The following NELFA variants were observed in gnomAD, a reference collection of about 807,000 sequenced individuals.
NELFA encodes negative elongation factor A.
In NELFA, 35 loss-of-function variants were observed where a neutral mutation model predicts 51.8. The observed-to-expected ratio is 0.68, with a 90% CI of 0.52 to 0.90. NELFA has a LOEUF of 0.90. NELFA is among the 40% of genes least tolerant of loss of function. The pLI, the probability that NELFA is intolerant of heterozygous loss-of-function variation, is 0.00. For synonymous variants in NELFA, 417 were observed against 338.4 expected, an observed-to-expected ratio of 1.23 and a Z score of -2.55; for missense variants, 658 against 746.4, an observed-to-expected ratio of 0.88 and a Z score of 1.38.
intron 1 of NELFA, among the ~76,000 whole-genome samples, chr4:1,997,709 AATATAGAAT>A (rs1412241234): frequency 6.6e-6 from 1 of 152,200 alleles, no homozygotes; most frequent in Non-Finnish European, 1.5e-5. Flanking sequence ...CAAAATGTTA[AATATAGAAT>A]AACCTGGGCA....
At chr4:2,007,996 G>A (rs1728755333) in intron 1 of NELFA, 1 of 457,006 alleles carries the variant, frequency 2.2e-6, no homozygotes, top group African/African-American at 2.0e-5. Flanking sequence ...GACGCAAAAC[G>A]GCGTGTAGAA....
rs750243851 is a variant in NELFA, at chr4:1,985,787, C to T, written c.913G>A (p.Val305Met). Residue 305 changes from valine to methionine, a missense_variant, in exon 7 of 11, where the codon GTG becomes ATG. By Grantham distance (21) the Val-to-Met change is conservative. Transcript: ENST00000382882. The stretch of plus-strand genomic sequence containing the variant: ...GCCCCGAGCCCTACCTGCGTGGACA[C>T]CAGGCCGGCTGCGTAGTCCGGGGTG... ...NATPDYAAGL[V>M]STQKLGSLNN... 6.2e-7 allele frequency: 1 copy of T among 1,613,158 alleles called. No homozygotes were observed. Among genetic ancestry groups the T allele is most frequent in the Non-Finnish European group, 8.5e-7 (1 of 1,179,730 alleles).
chr4:1,982,766 A>G lies in NELFA; in HGVS notation c.*553T>C, dbSNP rs1045555107. The G allele has an allele frequency of 6.6e-6, 1 of 151,798 alleles. No individual in the cohort carries two copies. Among genetic ancestry groups the G allele is most frequent in the Non-Finnish European group, 1.5e-5 (1 of 67,682 alleles). The allele number at this position is 151,798 out of a possible 1,614,324, so 9.4% of individuals were successfully genotyped here. ...ACTTTAATGGTTCAGATAGTTTTAC[A>G]ATGAAAATAGGTACCCAAAGACTGT... is the stretch of plus-strand genomic sequence containing the variant. On this transcript the variant is annotated 3_prime_UTR_variant, in exon 11 of 11. Transcript: ENST00000382882.
intron 1 of NELFA, 57 bp from the exon 2 acceptor site, chr4:1,991,772 C>A: frequency 6.6e-7 from 1 of 1,515,876 alleles, no homozygotes; most frequent in East Asian, 2.3e-5. Context: ...CAAGCCCACT[C>A]CCTGCTGAGC....
chr4:1,995,389 T>A (rs1174496835), intron 1 of NELFA, among the ~76,000 whole-genome samples: 2 of 152,214 alleles, frequency 1.3e-5, no homozygotes, highest in Non-Finnish European at 2.9e-5. Flanking sequence ...TCTATGGTCC[T>A]ATGTAGAAAA....
At position 1,983,373 on chromosome 4, in the gene NELFA, G is replaced by A. The variant is rs756125666; in HGVS notation, c.1533C>T (p.Ala511=). 4.3e-6 allele frequency: 7 copies of A among 1,614,208 alleles called. No homozygotes were observed. The highest frequency in any genetic ancestry group is 5.9e-6 in the Non-Finnish European group (7 of 1,180,040). The change falls in exon 11 of 11, where the codon GCC becomes GCT. Residue 511 remains alanine (A), a synonymous_variant. Coordinates refer to ENST00000382882, the MANE Select transcript of NELFA (RefSeq NM_005663.5). The stretch of plus-strand genomic sequence containing the variant: ...TCTTGAAGCGCGTCCACTGGCCCGT[G>A]GCATAGTTCATCTCAAACACTGTGT... ...LVDTVFEMNY[A]TGQWTRFKKY...
intron 3 of NELFA, among the ~76,000 whole-genome samples, chr4:1,988,881 T>C (rs551937338): frequency 1.3e-5 from 2 of 151,562 alleles, no homozygotes; most frequent in African/African-American, 4.8e-5. Context: ...GTGACTCAGC[T>C]GGCACAGAGT....
intron 1 of NELFA, among the ~76,000 whole-genome samples, chr4:1,996,467 AAAGT>A (rs1342492617): frequency 2.0e-5 from 3 of 152,262 alleles, no homozygotes; most frequent in African/African-American, 7.2e-5. Flanking sequence ...AAAGAGCAAC[AAAGT>A]AAGTACAAAG....
At chr4:1,995,849 G>T (rs1156305753) in intron 1 of NELFA, among the ~76,000 whole-genome samples, 15 of 151,712 alleles carry the variant, frequency 9.9e-5, no homozygotes, top group Non-Finnish European at 2.2e-4. Context: ...AATCCTAACG[G>T]GGAGATCAAC....
At chr4:1,984,160 T>G in intron 8 of NELFA, 47 bp from the exon 9 acceptor site, 1 of 1,466,670 alleles carries the variant, frequency 6.8e-7, no homozygotes, top group Non-Finnish European at 9.0e-7. Context: ...CCCCACCCTG[T>G]TCCCAAACCC....
chr4:2,007,783 T>G (rs955242461), intron 1 of NELFA, among the ~76,000 whole-genome samples: 2 of 152,106 alleles, frequency 1.3e-5, no homozygotes, highest in African/African-American at 4.8e-5. Flanking sequence ...TGAACAAAAA[T>G]GCACTTTTCC....
chr4:1,983,741 A>G (rs748166869), intron 9 of NELFA, 46 bp from the exon 10 acceptor site: 4 of 1,607,000 alleles, frequency 2.5e-6, no homozygotes, highest in Non-Finnish European at 3.4e-6. Flanking sequence ...CGCCAGGACC[A>G]CCTCCTGCAT....
At chr4:1,995,958 C>T (rs567350477) in intron 1 of NELFA, among the ~76,000 whole-genome samples, 11 of 151,258 alleles carry the variant, frequency 7.3e-5, no homozygotes, top group East Asian at 1.9e-4. Flanking sequence ...GAGTCCAGCC[C>T]GGGCAACATA....
intron 1 of NELFA, among the ~76,000 whole-genome samples, chr4:1,997,019 C>G (rs1728445121): frequency 6.6e-6 from 1 of 152,032 alleles, no homozygotes; most frequent in Non-Finnish European, 1.5e-5. Context: ...GAAGGTGAGG[C>G]AGGAGATCAC....
chr4:1,984,800 A>G lies in NELFA; in HGVS notation c.1036+8T>C, dbSNP rs1728030115. 1 of 1,551,926 alleles carries G rather than the reference A, an allele frequency of 6.4e-7. No homozygotes were observed. Among genetic ancestry groups the G allele is most frequent in the African/African-American group, 1.4e-5 (1 of 73,472 alleles). On this transcript the variant is annotated splice_region_variant and intron_variant, in intron 8 of 10. Coordinates refer to ENST00000382882, the MANE Select transcript of NELFA (RefSeq NM_005663.5). ...TGGCTGGTTCCAGGCTGGGGCCAGC[A>G]GACTCACCTGGGGGCGTCTCGGAGC...
chr4:2,005,285 G>T (rs1217075622), intron 1 of NELFA, among the ~76,000 whole-genome samples: 2 of 152,002 alleles, frequency 1.3e-5, no homozygotes, highest in Non-Finnish European at 2.9e-5. Flanking sequence ...ATGAGCTGGA[G>T]GGTCCTAGCC....
chr4:1,984,976 A>G (rs575427259), intron 7 of NELFA, 57 bp from the exon 8 acceptor site: 80 of 1,321,710 alleles, frequency 6.1e-5, no homozygotes, highest in Non-Finnish European at 8.3e-5. Flanking sequence ...GGCATGTGCT[A>G]ACACATGGCC....
In NELFA at chr4:1,983,056, T is replaced by TTTAC. The variant is rs1265938366; in HGVS notation, c.*259_*262dup. The TTTAC allele has an allele frequency of 3.8e-5, 14 of 366,640 alleles. No homozygotes were observed. Among genetic ancestry groups the TTTAC allele is most frequent in the East Asian group, 2.7e-4 (6 of 22,606 alleles). The allele number at this position is 366,640 out of a possible 1,614,324, so 22.7% of individuals were successfully genotyped here. A position where few individuals can be genotyped will look rare whatever the true frequency, so the allele number is the denominator to read the frequency against. On this transcript the variant is annotated 3_prime_UTR_variant, in exon 11 of 11. Coordinates refer to ENST00000382882, the MANE Select transcript of NELFA (RefSeq NM_005663.5). ...AGGAAGTTGTAACTTTTTTGGTTAATTTACTTACTACATTCAAAAATGTAA... is the reference window on the plus strand; with the variant it reads ...AGGAAGTTGTAACTTTTTTGGTTAATTTACTTACTTACTACATTCAAAAATGTAA...
intron 1 of NELFA, among the ~76,000 whole-genome samples, chr4:2,008,211 C>T (rs1011853085): frequency 6.6e-5 from 10 of 151,078 alleles, no homozygotes; most frequent in Non-Finnish European, 1.2e-4. Flanking sequence ...CCGCTGGGGC[C>T]GGCGCACCCC....
Sources: gnomAD v4.1 joint callset for allele counts (sites outside exome capture counted in the v4.1 genomes callset) on GRCh38, gnomAD v4.1.1 for gene constraint, MANE v1.5 for transcripts, NCBI Gene and HGNC (gene_info 2026-07-23, HGNC 2026-07-21) for gene names.